The following DNAH11 variants were observed in gnomAD, a reference collection of about 807,000 sequenced individuals.
The protein encoded by DNAH11 is axonemal beta dynein heavy chain 11.
Under a neutral mutation model 526.0 loss-of-function variants are expected in DNAH11, and 442 were observed. The ratio of observed to expected loss-of-function variants is 0.84; its 90% CI spans 0.78 to 0.91. DNAH11 has a LOEUF of 0.91. Among genes scored for constraint, DNAH11 ranks in the 40% least tolerant of loss-of-function variants. The pLI, the probability that DNAH11 is intolerant of heterozygous loss-of-function variation, is 0.00. For missense variants in DNAH11, 6,989 were observed against 5,448.7 expected (o/e 1.28, Z -8.90); for synonymous variants, 2,461 against 1,935.9 (o/e 1.27, Z -7.12).
Position 21,690,748 on chromosome 7 carries a change from C to T in DNAH11, c.5925-17C>T, listed in dbSNP as rs780827652. The T allele has an allele frequency of 7.0e-6, 11 of 1,570,944 alleles. No individual in the cohort carries two copies. Among genetic ancestry groups the T allele is most frequent in the Non-Finnish European group, 9.6e-6 (11 of 1,146,142 alleles). On this transcript the variant is annotated splice_polypyrimidine_tract_variant and intron_variant, in intron 34 of 81. Transcript: ENST00000409508. The stretch of plus-strand genomic sequence containing the variant: ...CAATGAACACATTTAATTTCATCAA[C>T]ATTCTTTTTATGGTAGATTTGTATT...
chr7:21,882,402 C>A lies in DNAH11; in HGVS notation c.12387+1509C>A, dbSNP rs528079231. ...CTTATCAGGATTTGGGAATTAAATT[C>A]CTATGAGCACATGTTTGGTTGTACA... On this transcript the variant is annotated intron_variant, in intron 75 of 81. Coordinates refer to ENST00000409508, the MANE Select transcript of DNAH11 (RefSeq NM_001277115.2). Among the ~76,000 whole-genome samples the A allele has an allele frequency of 2.6e-5, 4 of 152,220 alleles. No homozygotes were observed. The East Asian group carries it at 7.7e-4, about 29-fold the overall frequency.
chr7:21,899,747 C>G (rs952058976), intron 80 of DNAH11, among the ~76,000 whole-genome samples: 2 of 152,148 alleles, frequency 1.3e-5, no homozygotes, highest in Admixed American at 1.3e-4. Context: ...AGTGCGAAAA[C>G]CACAGACAAT....
At chr7:21,732,131 G>C (rs1785412987) in intron 45 of DNAH11, among the ~76,000 whole-genome samples, 1 of 152,174 alleles carries the variant, frequency 6.6e-6, no homozygotes, top group Non-Finnish European at 1.5e-5. Flanking sequence ...AAATACCACA[G>C]ACTGGGCAAC....
At chr7:21,650,615 C>G (rs1166178800) in intron 28 of DNAH11, among the ~76,000 whole-genome samples, 4 of 148,360 alleles carry the variant, frequency 2.7e-5, no homozygotes, top group African/African-American at 9.9e-5. Flanking sequence ...ATCACCAAAA[C>G]TGTTATTTAA....
chr7:21,767,824 T>C (rs1448780527), intron 55 of DNAH11, among the ~76,000 whole-genome samples: 1 of 152,224 alleles, frequency 6.6e-6, no homozygotes, highest in African/African-American at 2.4e-5. Context: ...ATCACTTTCT[T>C]AGTTTTAATT....
intron 2 of DNAH11, 98 bp downstream of exon 2, chr7:21,545,247 A>C: frequency 1.8e-6 from 1 of 544,392 alleles, no homozygotes; most frequent in Non-Finnish European, 2.7e-6. Flanking sequence ...AAGAGCTAGG[A>C]GGGGAAGGGA....
At position 21,591,518 on chromosome 7, in the gene DNAH11, T is replaced by C; in HGVS notation, c.2608T>C (p.Phe870Leu). The C allele has an allele frequency of 6.3e-7, 1 of 1,597,566 alleles. No individual in the cohort carries two copies. The highest frequency in any genetic ancestry group is 8.6e-7 in the Non-Finnish European group (1 of 1,168,754). Residue 870 changes from phenylalanine to leucine, a missense_variant, in exon 14 of 82, where the codon TTT (phenylalanine) becomes CTT (leucine). Physicochemically the swap from Phe to Leu is conservative, Grantham distance 22. Coordinates refer to ENST00000409508, the MANE Select transcript of DNAH11 (RefSeq NM_001277115.2). ...AFTLEDKGDLFTKKYKLIQGD... is the reference protein window; with the variant it reads ...AFTLEDKGDLLTKKYKLIQGD... The stretch of plus-strand genomic sequence containing the variant: ...CACCTTGGAGGACAAGGGTGATTTG[T>C]TTACAAAAAAATACAAGTTAATCCA...
At chr7:21,593,114 C>T (rs1167706089) in intron 14 of DNAH11, among the ~76,000 whole-genome samples, 2 of 152,120 alleles carry the variant, frequency 1.3e-5, no homozygotes, top group African/African-American at 4.8e-5. Flanking sequence ...CCTCGAAGTC[C>T]TCCCTAGGTC....
chr7:21,550,276 C>A (rs77306873), intron 2 of DNAH11, among the ~76,000 whole-genome samples: 1 of 151,754 alleles, frequency 6.6e-6, no homozygotes, highest in Non-Finnish European at 1.5e-5. Flanking sequence ...GTCTTCTTTC[C>A]AAGTCTGGCT....
At chr7:21,750,169 T>G in intron 53 of DNAH11, 53 bp from the exon 54 acceptor site, 3 of 1,512,506 alleles carry the variant, frequency 2.0e-6, no homozygotes, top group Non-Finnish European at 2.7e-6. Flanking sequence ...AAGTTATATG[T>G]AAAATTTAAA....
intron 37 of DNAH11, 56 bp downstream of exon 37, chr7:21,702,858 A>C (rs557415677): frequency 7.0e-7 from 1 of 1,430,704 alleles, no homozygotes; most frequent in Non-Finnish European, 9.8e-7. Context: ...CTTCACAGAC[A>C]TGAAAGTATA....
At chr7:21,568,716 G>A (rs1371451024) in intron 6 of DNAH11, among the ~76,000 whole-genome samples, 1 of 152,186 alleles carries the variant, frequency 6.6e-6, no homozygotes, top group Admixed American at 6.5e-5. Context: ...TCCTAGGGAT[G>A]TTACTTTACA....
chr7:21,729,205 G>T (rs778168163), intron 45 of DNAH11, among the ~76,000 whole-genome samples: 1 of 152,194 alleles, frequency 6.6e-6, no homozygotes, highest in Admixed American at 6.5e-5. Context: ...TTGCTAAATT[G>T]TCTTGTCCTG....
intron 46 of DNAH11, among the ~76,000 whole-genome samples, chr7:21,738,198 C>T (rs1277325147): frequency 6.6e-6 from 1 of 152,100 alleles, no homozygotes; most frequent in Non-Finnish European, 1.5e-5. Context: ...TATGTATTCA[C>T]GGATAGTGAC....
intron 3 of DNAH11, among the ~76,000 whole-genome samples, chr7:21,559,364 T>A (rs1399755836): frequency 6.6e-6 from 1 of 152,220 alleles, no homozygotes; most frequent in Non-Finnish European, 1.5e-5. Flanking sequence ...GTAACATTAT[T>A]CCTTTAGTAA....
chr7:21,581,628 G>A (rs1249651628), intron 8 of DNAH11, among the ~76,000 whole-genome samples: 1 of 152,216 alleles, frequency 6.6e-6, no homozygotes, highest in Non-Finnish European at 1.5e-5. Flanking sequence ...GAGCATGTGA[G>A]CCAAAGCACT....
At chr7:21,670,799 G>A (rs1047012832) in intron 30 of DNAH11, among the ~76,000 whole-genome samples, 7 of 151,896 alleles carry the variant, frequency 4.6e-5, no homozygotes, top group African/African-American at 7.3e-5. Flanking sequence ...GTGAATTTTC[G>A]AAAGTTACGC....
At chr7:21,888,800 C>G (rs914460159) in intron 76 of DNAH11, among the ~76,000 whole-genome samples, 3 of 152,054 alleles carry the variant, frequency 2.0e-5, no homozygotes, top group East Asian at 1.9e-4. Context: ...AAATATCATC[C>G]AAATTTTTGA....
intron 64 of DNAH11, 75 bp downstream of exon 64, chr7:21,816,777 G>A: frequency 8.2e-7 from 1 of 1,217,058 alleles, no homozygotes; most frequent in Non-Finnish European, 1.2e-6. Flanking sequence ...AAGGCGTGAT[G>A]TTTCTTAGAC....
Sources: allele counts gnomAD v4.1 joint callset (sites outside exome capture counted in the v4.1 genomes callset), GRCh38; gene constraint gnomAD v4.1.1; transcripts MANE v1.5; gene names NCBI Gene and HGNC (gene_info 2026-07-23, HGNC 2026-07-21).